Variants in KIFAP3 observed in about 807,000 individuals in gnomAD.
KIFAP3 encodes kinesin-associated protein 3.
In KIFAP3, 68 loss-of-function variants were observed where a neutral mutation model predicts 106.5. The ratio of observed to expected loss-of-function variants is 0.64; its 90% confidence interval spans 0.53 to 0.78. The LOEUF (loss-of-function observed/expected upper bound fraction) is 0.78. Among genes scored for constraint, KIFAP3 ranks in the 30% least tolerant of loss-of-function variants. KIFAP3 has a pLI of 0.00. For synonymous variants in KIFAP3, 320 were observed against 311.5 expected, an observed-to-expected ratio of 1.03 and a Z score of -0.29; for missense variants, 780 against 941.8, an observed-to-expected ratio of 0.83 and a Z score of 2.25.
chr1:169,980,157 T>A lies in KIFAP3; in HGVS notation c.1798+1815A>T, dbSNP rs149390931. ...AGAAGAGGCACTTCTAAGGTACTGG[T>A]AATGCTTTATTTTCTTACATGAGTG... On this transcript the variant is annotated intron_variant, in intron 15 of 19. Coordinates refer to ENST00000361580, the MANE Select transcript of KIFAP3 (RefSeq NM_014970.4). Among the ~76,000 whole-genome samples the A allele has an allele frequency of 1.2e-4, 19 of 152,296 alleles. No individual in the cohort carries two copies. The East Asian group carries it at 3.3e-3, about 26-fold the overall frequency.
chr1:170,037,656 G>A (rs1669758219), intron 5 of KIFAP3, among the ~76,000 whole-genome samples: 2 of 152,056 alleles, frequency 1.3e-5, no homozygotes, highest in African/African-American at 4.8e-5. Flanking sequence ...AGAATTATAT[G>A]AACCCGGGAG....
At chr1:169,997,538 C>G (rs1010625489) in intron 10 of KIFAP3, among the ~76,000 whole-genome samples, 1 of 151,868 alleles carries the variant, frequency 6.6e-6, no homozygotes, top group Non-Finnish European at 1.5e-5. Flanking sequence ...AGCCTATGGC[C>G]GAGCCACTTA....
chr1:170,021,446 T>TTC (rs1553198361), intron 9 of KIFAP3, among the ~76,000 whole-genome samples: 5 of 145,284 alleles, frequency 3.4e-5, no homozygotes, highest in Non-Finnish European at 7.6e-5. Flanking sequence ...TTTTTTTTTT[T>TTC]TTTTTTTTTT....
chr1:169,994,016 G>A (rs1022482190), intron 10 of KIFAP3, among the ~76,000 whole-genome samples: 1 of 152,166 alleles, frequency 6.6e-6, no homozygotes, highest in Non-Finnish European at 1.5e-5. Context: ...ATTATCCCCA[G>A]ATGCAAGAAT....
At chr1:170,017,523 T>C (rs1668585627) in intron 9 of KIFAP3, among the ~76,000 whole-genome samples, 1 of 152,124 alleles carries the variant, frequency 6.6e-6, no homozygotes, top group East Asian at 1.9e-4. Flanking sequence ...TGTTAGGGAA[T>C]TGCAAGTGAT....
At chr1:169,963,937 G>C (rs1665470521) in intron 17 of KIFAP3, among the ~76,000 whole-genome samples, 1 of 151,940 alleles carries the variant, frequency 6.6e-6, no homozygotes, top group African/African-American at 2.4e-5. Flanking sequence ...TTATTCAACT[G>C]ATAGTTTTAA....
chr1:170,060,657 T>A (rs556726526), intron 1 of KIFAP3, among the ~76,000 whole-genome samples: 1 of 151,838 alleles, frequency 6.6e-6, no homozygotes, highest in Non-Finnish European at 1.5e-5. Flanking sequence ...TTGGAAAAAA[T>A]TACTTTAAAG....
intron 19 of KIFAP3, among the ~76,000 whole-genome samples, chr1:169,945,245 A>G (rs965631855): frequency 2.0e-5 from 3 of 152,070 alleles, no homozygotes; most frequent in African/African-American, 7.2e-5. Context: ...GCAAAATTGG[A>G]GCAGGCACCG....
chr1:170,042,213 GGATTGTATCTTGCAA>G (rs1440180284), intron 3 of KIFAP3, among the ~76,000 whole-genome samples: 1 of 152,118 alleles, frequency 6.6e-6, no homozygotes, highest in Non-Finnish European at 1.5e-5. Context: ...GCAGCCCCTT[GGATTGTATCTTGCAA>G]AACTGGGCAG....
intron 10 of KIFAP3, among the ~76,000 whole-genome samples, chr1:169,994,744 A>G (rs1285318673): frequency 6.6e-6 from 1 of 151,938 alleles, no homozygotes; most frequent in Non-Finnish European, 1.5e-5. Context: ...GGTATTATTT[A>G]TAGAAAAATT....
intron 17 of KIFAP3, among the ~76,000 whole-genome samples, chr1:169,964,972 C>T (rs1005894223): frequency 7.9e-5 from 12 of 152,070 alleles, no homozygotes; most frequent in African/African-American, 2.9e-4. Context: ...ATCACATAAT[C>T]ATACAGTAGA....
chr1:170,058,226 T>A (rs1670946126), intron 1 of KIFAP3, among the ~76,000 whole-genome samples: 1 of 152,168 alleles, frequency 6.6e-6, no homozygotes, highest in Non-Finnish European at 1.5e-5. Context: ...AATGCAGTCC[T>A]TAACTTTTCA....
chr1:170,078,048 C>T (rs1353917235), upstream of KIFAP3, among the ~76,000 whole-genome samples: 2 of 152,084 alleles, frequency 1.3e-5, no homozygotes, highest in Non-Finnish European at 2.9e-5. Flanking sequence ...GTATTCTTTA[C>T]TCCTGTTCAG....
chr1:169,969,601 G>C (rs1391223552), intron 17 of KIFAP3, among the ~76,000 whole-genome samples: 1 of 151,934 alleles, frequency 6.6e-6, no homozygotes, highest in Non-Finnish European at 1.5e-5. Flanking sequence ...TATTAAAAAA[G>C]GAAGAGGTAC....
intron 18 of KIFAP3, among the ~76,000 whole-genome samples, chr1:169,956,571 ATGTGAATAAAAAAAGAGTAAATTT>A (rs1665021487): frequency 6.7e-6 from 1 of 150,100 alleles, no homozygotes; most frequent in Non-Finnish European, 1.5e-5. Flanking sequence ...GTCTACTCTT[ATGTGAATAAAAAAAGAGTAAATTT>A]ATACCACTGA....
intron 2 of KIFAP3, among the ~76,000 whole-genome samples, chr1:170,052,446 T>C (rs372598458): frequency 7.2e-5 from 11 of 152,274 alleles, no homozygotes; most frequent in African/African-American, 2.6e-4. Context: ...TTTCTGAAAC[T>C]ATTCCAAGCA....
chr1:170,051,164 A>G (rs980823045), intron 2 of KIFAP3, among the ~76,000 whole-genome samples: 2 of 152,088 alleles, frequency 1.3e-5, no homozygotes, highest in Non-Finnish European at 2.9e-5. Flanking sequence ...AAATGGAAAA[A>G]AAAAAAAAAG....
At chr1:169,922,511 G>C (rs1023630336) in intron 19 of KIFAP3, among the ~76,000 whole-genome samples, 2 of 152,170 alleles carry the variant, frequency 1.3e-5, no homozygotes, top group Non-Finnish European at 2.9e-5. Context: ...CTTGAAGTAT[G>C]TTAAACTTCA....
chr1:169,966,464 C>CAA (rs58208596), intron 17 of KIFAP3, among the ~76,000 whole-genome samples: 6 of 130,086 alleles, frequency 4.6e-5, no homozygotes, highest in Non-Finnish European at 8.2e-5. Flanking sequence ...CGGAAAATGG[C>CAA]AAAAAAAAAA....
Sources: gnomAD v4.1 joint callset for allele counts (sites outside exome capture counted in the v4.1 genomes callset) on GRCh38, gnomAD v4.1.1 for gene constraint, MANE v1.5 for transcripts, NCBI Gene and HGNC (gene_info 2026-07-23, HGNC 2026-07-21) for gene names.